Variants in TTC28 observed in about 807,000 individuals in gnomAD.
The protein encoded by TTC28 is tetratricopeptide repeat protein 28.
TTC28 carries 61 observed loss-of-function variants against 198.0 expected under a neutral mutation model. That is an observed-to-expected ratio of 0.31 (90% CI 0.25 to 0.38). The LOEUF is 0.38. TTC28 is among the 10% of genes least tolerant of loss of function. The pLI, the probability that TTC28 is intolerant of heterozygous loss-of-function variation, is 1.00. For missense variants in TTC28, 2,678 were observed against 3,164.0 expected, an observed-to-expected ratio of 0.85 and a Z score of 3.69; for synonymous variants, 1,171 against 1,297.8, an observed-to-expected ratio of 0.90 and a Z score of 2.10.
chr22:28,475,149 C>CAAA (rs386395148), intron 2 of TTC28, among the ~76,000 whole-genome samples: 1,852 of 64,600 alleles, frequency 0.029, 35 homozygotes, highest in African/African-American at 0.06. Context: ...GACTCCATCT[C>CAAA]AAAAAAAAAA....
intron 2 of TTC28, among the ~76,000 whole-genome samples, chr22:28,381,420 A>T (rs1013045383): frequency 6.6e-6 from 1 of 152,202 alleles, no homozygotes; most frequent in Non-Finnish European, 1.5e-5. Flanking sequence ...TCAATGCTCA[A>T]TGATAGCAGT....
At chr22:28,499,761 C>T (rs2048510267) in intron 2 of TTC28, among the ~76,000 whole-genome samples, 1 of 152,042 alleles carries the variant, frequency 6.6e-6, no homozygotes, top group South Asian at 2.1e-4. Context: ...TGAGTAAACT[C>T]CAACACTATA....
At chr22:28,201,663 T>A (rs544525686) in intron 5 of TTC28, among the ~76,000 whole-genome samples, 10 of 148,842 alleles carry the variant, frequency 6.7e-5, no homozygotes, top group African/African-American at 2.5e-4. Context: ...CCAGGGGAGT[T>A]CTCAAAAGGG....
intron 5 of TTC28, among the ~76,000 whole-genome samples, chr22:28,184,126 G>A (rs1384638850): frequency 6.6e-6 from 1 of 152,056 alleles, no homozygotes; most frequent in Admixed American, 6.6e-5. Flanking sequence ...CTATAAAATG[G>A]GGGTAATGAT....
At chr22:28,556,747 T>TAGCTAGAG (rs770234881) in intron 2 of TTC28, among the ~76,000 whole-genome samples, 1 of 152,218 alleles carries the variant, frequency 6.6e-6, no homozygotes, top group Non-Finnish European at 1.5e-5. Context: ...GCTGAGATGC[T>TAGCTAGAG]AGCTAGAGCT....
At chr22:28,016,766 C>A (rs1255493560) in intron 13 of TTC28, among the ~76,000 whole-genome samples, 13 of 152,190 alleles carry the variant, frequency 8.5e-5, no homozygotes. Context: ...CTCAGGACAG[C>A]CCCAGCTGTC....
intron 6 of TTC28, among the ~76,000 whole-genome samples, chr22:28,156,478 A>C (rs1366088715): frequency 6.6e-6 from 1 of 152,232 alleles, no homozygotes; most frequent in African/African-American, 2.4e-5. Flanking sequence ...GAGCTGTAAG[A>C]GAATAAATTT....
chr22:28,378,210 G>A (rs1010157732), intron 2 of TTC28, among the ~76,000 whole-genome samples: 10 of 152,086 alleles, frequency 6.6e-5, no homozygotes, highest in African/African-American at 1.4e-4. Flanking sequence ...GCCAGGCATG[G>A]TGGTGCACAC....
chr22:28,679,672 CG>C lies in TTC28; in HGVS notation c.51del (p.Ala18GlnfsTer36). ...PAPEPTQGPT[P>X]ARSRRRREPE... ...GGCTCCCGCCGCCTTCGGCTCCTTG[CG>C]GGGGTCGGCCCTTGGGTCGGCTCGG... On this transcript the variant is annotated frameshift_variant, in exon 1 of 23. Transcript: ENST00000397906. LOFTEE classifies it high-confidence loss of function. 2.4e-6 allele frequency: 3 copies of C among 1,270,162 alleles called. No individual in the cohort carries two copies. Among genetic ancestry groups the C allele is most frequent in the Non-Finnish European group, 2.0e-6 (2 of 994,672 alleles). The allele number at this position is 1,270,162 out of a possible 1,614,324, so 78.7% of individuals were successfully genotyped here.
chr22:28,149,235 A>G (rs767828842), intron 6 of TTC28, among the ~76,000 whole-genome samples: 2 of 152,224 alleles, frequency 1.3e-5, no homozygotes, highest in Non-Finnish European at 2.9e-5. Context: ...TCTGGTTTGG[A>G]AAGTTGGTGC....
At chr22:28,262,433 A>G (rs1931388051) in intron 5 of TTC28, among the ~76,000 whole-genome samples, 1 of 152,162 alleles carries the variant, frequency 6.6e-6, no homozygotes, top group African/African-American at 2.4e-5. Flanking sequence ...GCTTCATTAA[A>G]GTTACATCTT....
chr22:28,430,967 TA>T (rs1217276591), intron 2 of TTC28, among the ~76,000 whole-genome samples: 4 of 151,712 alleles, frequency 2.6e-5, no homozygotes, highest in Middle Eastern at 3.2e-3. Flanking sequence ...CTCTGCCTGG[TA>T]AAAATCAGCC....
rs1226346761 is a variant in TTC28, at chr22:28,593,461, GTAGGTAGC to G, written c.381+36083_381+36090del. Among the ~76,000 whole-genome samples the G allele has an allele frequency of 7.6e-5, 11 of 144,528 alleles. No homozygotes were observed. The East Asian group carries it at 2.5e-3, about 33-fold the overall frequency. 94.8% of individuals were successfully genotyped at this position (144,528 alleles called of 152,430 possible). On this transcript the variant is annotated intron_variant, in intron 2 of 22. Transcript: ENST00000397906. ...GACAGGTAGGTAGATAGGTAGATAGGTAGGTAGCTAGGTAGGTAGGTAGGTAGGTAGGT... is the reference window on the plus strand; with the variant it reads ...GACAGGTAGGTAGATAGGTAGATAGGTAGGTAGGTAGGTAGGTAGGTAGGT...
intron 2 of TTC28, among the ~76,000 whole-genome samples, chr22:28,367,989 A>G (rs2145981128): frequency 6.6e-6 from 1 of 152,202 alleles, no homozygotes; most frequent in Non-Finnish European, 1.5e-5. Context: ...GAACATTTAA[A>G]AAAGAACTAA....
chr22:28,032,169 TATATATATATATATATATAAA>T lies in TTC28; in HGVS notation c.3933-1824_3933-1804del, dbSNP rs1311629857. Among the ~76,000 whole-genome samples the T allele has an allele frequency of 2.7e-3, 257 of 96,728 alleles. 5 individuals are homozygous for T. The highest frequency in any genetic ancestry group is 0.01 in the African/African-American group (244 of 23,316). 63.5% of individuals were successfully genotyped at this position (96,728 alleles called of 152,430 possible). Reference sequence around the variant, plus strand: ...CCTATTTATATCTACTTAGTGTGTGTATATATATATATATATATAAAATATATATATATAAAATATATATAT... The same window carrying T: ...CCTATTTATATCTACTTAGTGTGTGTATATATATATATAAAATATATATAT... On this transcript the variant is annotated intron_variant, in intron 12 of 22. Transcript: ENST00000397906.
At chr22:28,212,075 C>T (rs1927021437) in intron 5 of TTC28, among the ~76,000 whole-genome samples, 1 of 152,014 alleles carries the variant, frequency 6.6e-6, no homozygotes, top group Non-Finnish European at 1.5e-5. Context: ...TCTTTGAAAC[C>T]AATGAGAACA....
intron 1 of TTC28, among the ~76,000 whole-genome samples, chr22:28,645,443 A>G (rs1033702747): frequency 2.0e-5 from 3 of 151,692 alleles, no homozygotes; most frequent in African/African-American, 7.3e-5. Context: ...CCTGGCCAAC[A>G]TGGTGAAACC....
Position 28,624,104 on chromosome 22 carries a change from T to C in TTC28, c.381+5448A>G, listed in dbSNP as rs931046527. 4.6e-5 allele frequency among the ~76,000 whole-genome samples: 7 copies of C among 152,268 alleles called. No homozygotes were observed. The South Asian group carries it at 8.3e-4, about 18-fold the overall frequency. On this transcript the variant is annotated intron_variant, in intron 2 of 22. Coordinates refer to ENST00000397906, the MANE Select transcript of TTC28 (RefSeq NM_001145418.2). ...AATCAATGAGACTAATAACTCATTG[T>C]CTAGAAAGATGAATAGAATTGATAA...
At chr22:28,217,463 T>C (rs1927497058) in intron 5 of TTC28, among the ~76,000 whole-genome samples, 1 of 152,202 alleles carries the variant, frequency 6.6e-6, no homozygotes, top group African/African-American at 2.4e-5. Flanking sequence ...AGGAAAGTGA[T>C]AACTGTATAT....
Sources: allele counts gnomAD v4.1 joint callset (sites outside exome capture counted in the v4.1 genomes callset), GRCh38; gene constraint gnomAD v4.1.1; transcripts MANE v1.5; gene names NCBI Gene and HGNC (gene_info 2026-07-23, HGNC 2026-07-21).